The following DPP10 variants were observed in gnomAD, a reference collection of about 807,000 sequenced individuals.
DPP10 encodes the protein dipeptidyl peptidase like 10.
In DPP10, 33 loss-of-function variants were observed where a neutral mutation model predicts 120.9. The observed-to-expected ratio is 0.27, with a 90% CI of 0.21 to 0.37. The LOEUF is 0.37. DPP10 is among the 10% of genes least tolerant of loss of function. DPP10 has a pLI of 1.00. For missense variants in DPP10, 816 were observed against 942.8 expected (o/e 0.87, Z 1.76); for synonymous variants, 337 against 326.1 (o/e 1.03, Z -0.36).
chr2:115,534,010 G>C (rs2078635907), intron 5 of DPP10, among the ~76,000 whole-genome samples: 1 of 151,944 alleles, frequency 6.6e-6, no homozygotes, highest in Non-Finnish European at 1.5e-5. Context: ...AAATATTTTT[G>C]GAAGCCAGTA....
intron 3 of DPP10, among the ~76,000 whole-genome samples, chr2:115,401,935 A>C (rs1159198872): frequency 6.6e-6 from 1 of 152,134 alleles, no homozygotes; most frequent in Non-Finnish European, 1.5e-5. Flanking sequence ...AAATATTTTC[A>C]AAATATTGAA....
At chr2:114,511,132 T>A (rs1210182598) in intron 1 of DPP10, among the ~76,000 whole-genome samples, 3 of 152,308 alleles carry the variant, frequency 2.0e-5, no homozygotes, top group Admixed American at 6.5e-5. Context: ...TGTATAGATA[T>A]CAACATAGGT....
intron 1 of DPP10, among the ~76,000 whole-genome samples, chr2:114,772,827 A>G (rs1253159679): frequency 6.6e-6 from 1 of 152,132 alleles, no homozygotes; most frequent in Admixed American, 6.5e-5. Context: ...CTGAAACCAG[A>G]TGGAGCTGAC....
chr2:115,603,128 G>C (rs1303703759), intron 5 of DPP10, among the ~76,000 whole-genome samples: 6 of 71,368 alleles, frequency 8.4e-5, no homozygotes, highest in Non-Finnish European at 1.7e-4. Flanking sequence ...AAAACTGTGT[G>C]TGTGTGTGTG....
At position 115,810,738 on chromosome 2, in the gene DPP10, A is replaced by C. The variant is rs1352290539; in HGVS notation, c.1701-4055A>C. Among the ~76,000 whole-genome samples, 10 of 152,296 alleles carry C rather than the reference A, an allele frequency of 6.6e-5. No individual in the cohort carries two copies. The South Asian group carries it at 2.1e-3, about 32-fold the overall frequency. On this transcript the variant is annotated intron_variant, in intron 19 of 25. Transcript: ENST00000410059. ...AATTGTTCTTTTCACCGCAACTTTC[A>C]ACAAAGTTGTATGTCCCCACTCTCA...
chr2:115,602,439 A>G (rs923192689), intron 5 of DPP10, among the ~76,000 whole-genome samples: 1 of 152,186 alleles, frequency 6.6e-6, no homozygotes, highest in Non-Finnish European at 1.5e-5. Flanking sequence ...CATATTTTCT[A>G]TTTATCGTTA....
At chr2:114,905,241 T>C (rs1693869916) in intron 1 of DPP10, among the ~76,000 whole-genome samples, 1 of 152,038 alleles carries the variant, frequency 6.6e-6, no homozygotes, top group Non-Finnish European at 1.5e-5. Flanking sequence ...TGTAGGATTG[T>C]GTTGAGTAGA....
At chr2:114,657,311 G>A (rs1697039272) in intron 1 of DPP10, among the ~76,000 whole-genome samples, 1 of 152,090 alleles carries the variant, frequency 6.6e-6, no homozygotes, top group African/African-American at 2.4e-5. Flanking sequence ...TGAAACTCAA[G>A]CTTGAATAAC....
intron 5 of DPP10, among the ~76,000 whole-genome samples, chr2:115,612,780 T>A (rs1381862801): frequency 6.6e-6 from 1 of 152,136 alleles, no homozygotes; most frequent in Non-Finnish European, 1.5e-5. Flanking sequence ...TAACTATATA[T>A]GTGAAATTAC....
In DPP10 at chr2:115,046,576, A is replaced by G. The variant is rs540733516; in HGVS notation, c.61-262663A>G. On this transcript the variant is annotated intron_variant, in intron 1 of 25. Coordinates refer to ENST00000410059, the MANE Select transcript of DPP10 (RefSeq NM_020868.6). ...TGATAACTGTTTGTAATTTCCAACC[A>G]CAGAATTCACCTTAGTTTGTACTTT... Among the ~76,000 whole-genome samples, 19 of 152,300 alleles carry G rather than the reference A, an allele frequency of 1.2e-4. No individual in the cohort carries two copies. In the South Asian group the frequency reaches 3.7e-3, roughly 30 times the overall value.
chr2:114,882,448 C>G (rs1028188367), intron 1 of DPP10, among the ~76,000 whole-genome samples: 1 of 150,760 alleles, frequency 6.6e-6, no homozygotes, highest in Non-Finnish European at 1.5e-5. Context: ...TAAGTGGGAG[C>G]TAAGCTATGG....
chr2:115,283,497 A>G lies in DPP10; in HGVS notation c.61-25742A>G, dbSNP rs193159988. Among the ~76,000 whole-genome samples, 607 of 152,192 alleles carry G rather than the reference A, an allele frequency of 4.0e-3. 2 individuals carry two copies. Among genetic ancestry groups the G allele is most frequent in the Non-Finnish European group, 6.3e-3 (428 of 67,972 alleles). ...GTTTTTCTTGAATGCTCAAATAAGC[A>G]GCCATTCTTGATAACTATTGCTTAT... On this transcript the variant is annotated intron_variant, in intron 1 of 25. Transcript: ENST00000410059.
In DPP10 at chr2:115,595,628, A is replaced by C. The variant is rs562899987; in HGVS notation, c.441+69656A>C. 5.8e-4 allele frequency among the ~76,000 whole-genome samples: 89 copies of C among 152,174 alleles called. 3 individuals carry two copies. In the South Asian group the frequency reaches 0.018, roughly 30 times the overall value. ...ATTTTAGCCAACTTGATCACAAACA[A>C]AATTCCTTTTTTAACATTAATCTGC... On this transcript the variant is annotated intron_variant, in intron 5 of 25. Coordinates refer to ENST00000410059, the MANE Select transcript of DPP10 (RefSeq NM_020868.6).
At chr2:114,894,946 T>A (rs1343903535) in intron 1 of DPP10, among the ~76,000 whole-genome samples, 1 of 152,176 alleles carries the variant, frequency 6.6e-6, no homozygotes, top group East Asian at 1.9e-4. Context: ...TTCAGTTGAG[T>A]AAAAATTCAG....
At chr2:115,419,344 T>C (rs972710074) in intron 3 of DPP10, among the ~76,000 whole-genome samples, 2 of 152,128 alleles carry the variant, frequency 1.3e-5, no homozygotes, top group Non-Finnish European at 2.9e-5. Flanking sequence ...AGTATCTGCA[T>C]CTGGTGAAGT....
rs1326057186 is a variant in DPP10 at position 115,006,842 on chromosome 2, T to C, written c.61-302397T>C. On this transcript the variant is annotated intron_variant, in intron 1 of 25. Coordinates refer to ENST00000410059, the MANE Select transcript of DPP10 (RefSeq NM_020868.6). ...AAAGTCAACAAGGATACCCAGGAATTGAACTCAGCTCTGCACCAAGCGGAC... is the reference window on the plus strand; with the variant it reads ...AAAGTCAACAAGGATACCCAGGAATCGAACTCAGCTCTGCACCAAGCGGAC... Among the ~76,000 whole-genome samples the C allele has an allele frequency of 5.3e-5, 8 of 151,786 alleles. No homozygotes were observed. The East Asian group carries it at 1.4e-3, about 26-fold the overall frequency.
At chr2:115,198,593 G>C (rs1041329176) in intron 1 of DPP10, among the ~76,000 whole-genome samples, 1 of 151,996 alleles carries the variant, frequency 6.6e-6, no homozygotes, top group Admixed American at 6.6e-5. Context: ...TCTTAAACAC[G>C]TTGATCAAAT....
intron 1 of DPP10, among the ~76,000 whole-genome samples, chr2:114,926,498 A>C (rs1483222767): frequency 6.6e-6 from 1 of 152,204 alleles, no homozygotes; most frequent in Non-Finnish European, 1.5e-5. Context: ...TTGGAGCAAG[A>C]GGCCTCCGCC....
chr2:115,443,852 A>G (rs924592397), intron 3 of DPP10, among the ~76,000 whole-genome samples: 7 of 152,308 alleles, frequency 4.6e-5, no homozygotes, highest in Admixed American at 1.3e-4. Flanking sequence ...TTTGGGCCAG[A>G]AAATTCTTTG....
Sources: gnomAD v4.1 joint callset for allele counts (sites outside exome capture counted in the v4.1 genomes callset) on GRCh38, gnomAD v4.1.1 for gene constraint, MANE v1.5 for transcripts, NCBI Gene and HGNC (gene_info 2026-07-23, HGNC 2026-07-21) for gene names.